Variants in FHOD3 observed in about 807,000 individuals in gnomAD.
FHOD3 encodes the protein FH1/FH2 domain-containing protein 3.
FHOD3 carries 90 observed loss-of-function variants against 173.0 expected under a neutral mutation model. That is an observed-to-expected ratio of 0.52 (90% confidence interval 0.44 to 0.62). The LOEUF (loss-of-function observed/expected upper bound fraction) is 0.62, where lower values mean the gene tolerates loss of function less well. Among genes scored for constraint, FHOD3 ranks in the 20% least tolerant of loss-of-function variants. The probability of loss-of-function intolerance (pLI) is 0.00; values close to 1 mark genes in which losing one functional copy is unlikely to be tolerated. For missense variants in FHOD3, 1,945 were observed against 2,034.7 expected (o/e 0.96, Z 0.85); for synonymous variants, 828 against 823.0 (o/e 1.01, Z -0.10).
chr18:36,758,695 C>T (rs2042735551), intron 25 of FHOD3, among the ~76,000 whole-genome samples: 1 of 152,182 alleles, frequency 6.6e-6, no homozygotes, highest in Non-Finnish European at 1.5e-5. Flanking sequence ...AGCCAGTCCA[C>T]TTAGAGGGGC....
intron 5 of FHOD3, among the ~76,000 whole-genome samples, chr18:36,536,122 A>G (rs1323649218): frequency 6.6e-6 from 1 of 152,206 alleles, no homozygotes; most frequent in Admixed American, 6.5e-5. Context: ...GTAAAAACCC[A>G]TTCTTAGCTC....
intron 15 of FHOD3, among the ~76,000 whole-genome samples, chr18:36,685,759 A>T (rs1439250652): frequency 6.6e-6 from 1 of 152,234 alleles, no homozygotes; most frequent in East Asian, 1.9e-4. Context: ...GAAAACCATG[A>T]TGTTAGGATT....
intron 3 of FHOD3, among the ~76,000 whole-genome samples, chr18:36,381,510 C>T (rs1174333374): frequency 6.6e-6 from 1 of 152,168 alleles, no homozygotes; most frequent in Admixed American, 6.6e-5. Flanking sequence ...GTAGTAGCTG[C>T]CCGAGAGGAG....
At chr18:36,491,192 A>G (rs1234509431) in intron 3 of FHOD3, among the ~76,000 whole-genome samples, 1 of 152,162 alleles carries the variant, frequency 6.6e-6, no homozygotes, top group Non-Finnish European at 1.5e-5. Context: ...TGTGCCCTCC[A>G]TGAGCCTGGG....
At chr18:36,479,962 A>G (rs1368333708) in intron 3 of FHOD3, among the ~76,000 whole-genome samples, 7 of 152,228 alleles carry the variant, frequency 4.6e-5, no homozygotes, top group Non-Finnish European at 1.0e-4. Context: ...ACCATTTCTA[A>G]ATACTGGCCA....
At chr18:36,508,377 G>A (rs967865767) in intron 4 of FHOD3, among the ~76,000 whole-genome samples, 5 of 152,034 alleles carry the variant, frequency 3.3e-5, no homozygotes, top group Admixed American at 3.3e-4. Flanking sequence ...GAGCTCCTTG[G>A]AGAAGTGGCT....
rs1039466629 is a variant in FHOD3, at chr18:36,488,600, G to A, written c.338-13332G>A. ...AAATGTCATTGAGGCCTTAGGGGCT[G>A]GAGAGAGAAAGAAAAGTAGTCTTTA... On this transcript the variant is annotated intron_variant, in intron 3 of 28. Transcript: ENST00000590592. 3.3e-5 allele frequency among the ~76,000 whole-genome samples: 5 copies of A among 152,336 alleles called. No homozygotes were observed. In the East Asian group the frequency reaches 9.6e-4, roughly 29 times the overall value.
At chr18:36,358,528 C>A (rs1457583228) in intron 2 of FHOD3, among the ~76,000 whole-genome samples, 1 of 152,146 alleles carries the variant, frequency 6.6e-6, no homozygotes, top group Admixed American at 6.6e-5. Flanking sequence ...GAGGTTGAAT[C>A]CCATTTCTAT....
chr18:36,607,567 TG>T (rs1414580607), intron 8 of FHOD3, among the ~76,000 whole-genome samples: 1 of 152,232 alleles, frequency 6.6e-6, no homozygotes, highest in Non-Finnish European at 1.5e-5. Context: ...GCCTTTGGTT[TG>T]CTTTCCAAAA....
intron 3 of FHOD3, among the ~76,000 whole-genome samples, chr18:36,443,186 C>T (rs1345473543): frequency 6.6e-6 from 1 of 152,156 alleles, no homozygotes; most frequent in East Asian, 1.9e-4. Context: ...ATAAGATACT[C>T]TGAAATTATG....
At chr18:36,451,876 G>C (rs376156287) in intron 3 of FHOD3, among the ~76,000 whole-genome samples, 1 of 152,172 alleles carries the variant, frequency 6.6e-6, no homozygotes, top group African/African-American at 2.4e-5. Flanking sequence ...TGGGTTCTGA[G>C]GGGGGTAGTG....
intron 5 of FHOD3, among the ~76,000 whole-genome samples, chr18:36,524,927 C>T (rs1429460636): frequency 6.6e-5 from 10 of 152,140 alleles, no homozygotes; most frequent in South Asian, 2.1e-4. Context: ...ACAATGCAAA[C>T]GAAACAATTA....
chr18:36,715,296 G>A (rs533380599), intron 18 of FHOD3, among the ~76,000 whole-genome samples: 5 of 152,136 alleles, frequency 3.3e-5, no homozygotes, highest in East Asian at 1.9e-4. Flanking sequence ...TTTTTAAGGC[G>A]CTTCCCTCTT....
intron 5 of FHOD3, among the ~76,000 whole-genome samples, chr18:36,543,660 T>A (rs1314504155): frequency 6.6e-6 from 1 of 152,142 alleles, no homozygotes; most frequent in Non-Finnish European, 1.5e-5. Context: ...CCACTGGGGA[T>A]GTGAGGTAGA....
chr18:36,607,045 G>T lies in FHOD3; in HGVS notation c.813+4277G>T, dbSNP rs150140869. On this transcript the variant is annotated intron_variant, in intron 8 of 28. Transcript: ENST00000590592. ...GAGCTTATGCCTACAGCTTTCGCGG[G>T]CTGGATTGCACACTGGTAGCTCTAC... Among the ~76,000 whole-genome samples the T allele has an allele frequency of 6.8e-4, 103 of 152,244 alleles. 1 individual carries two copies. Among genetic ancestry groups the T allele is most frequent in the East Asian group, 1.5e-3 (8 of 5,176 alleles).
chr18:36,403,500 A>G (rs772197066), intron 3 of FHOD3, among the ~76,000 whole-genome samples: 6 of 152,218 alleles, frequency 3.9e-5, no homozygotes, highest in Non-Finnish European at 7.3e-5. Flanking sequence ...TACTTGACCC[A>G]TACATGCTCT....
chr18:36,763,209 A>G (rs1417578834), intron 27 of FHOD3, among the ~76,000 whole-genome samples: 1 of 148,112 alleles, frequency 6.8e-6, no homozygotes, highest in Non-Finnish European at 1.5e-5. Flanking sequence ...TACGTTATAT[A>G]TGTGTACTAT....
intron 5 of FHOD3, among the ~76,000 whole-genome samples, chr18:36,542,246 C>T (rs117191767): frequency 1.6e-4 from 25 of 152,280 alleles, no homozygotes; most frequent in Admixed American, 3.3e-4. Context: ...ATACAGGAAG[C>T]ATCACCCATC....
chr18:36,359,510 ACGTTGTCATTGTGT>A lies in FHOD3; in HGVS notation c.272+3866_272+3879del, dbSNP rs373444774. Among the ~76,000 whole-genome samples the A allele has an allele frequency of 7.1e-3, 1,079 of 152,300 alleles. 12 individuals carry two copies. Among genetic ancestry groups the A allele is most frequent in the African/African-American group, 0.025 (1,040 of 41,554 alleles). On this transcript the variant is annotated intron_variant, in intron 2 of 28. Coordinates refer to ENST00000590592, the MANE Select transcript of FHOD3 (RefSeq NM_001281740.3). Reference sequence around the variant, plus strand: ...TGCAGCCTACAGGTTATTTTTCCTGACGTTGTCATTGTGTGGCCTTGGGCAAGCCACTTTACCTC... The same window carrying A: ...TGCAGCCTACAGGTTATTTTTCCTGAGGCCTTGGGCAAGCCACTTTACCTC...
Sources: allele counts gnomAD v4.1 joint callset (sites outside exome capture counted in the v4.1 genomes callset), GRCh38; gene constraint gnomAD v4.1.1; transcripts MANE v1.5; gene names NCBI Gene and HGNC (gene_info 2026-07-23, HGNC 2026-07-21).